The following SLC39A11 variants were observed in gnomAD, a reference collection of about 807,000 sequenced individuals.
SLC39A11 encodes the protein solute carrier family 39 member 11, also known as zinc transporter ZIP11.
Under a neutral mutation model 36.1 loss-of-function variants are expected in SLC39A11, and 33 were observed. That is an observed-to-expected ratio of 0.91 (90% confidence interval 0.69 to 1.22). The LOEUF is 1.22. Ranked by LOEUF, SLC39A11 falls within the 50% of genes most tolerant of loss-of-function variation. The pLI is 0.00. For synonymous variants in SLC39A11, 166 were observed against 170.3 expected, an observed-to-expected ratio of 0.97 and a Z score of 0.20; for missense variants, 432 against 430.3, an observed-to-expected ratio of 1.00 and a Z score of -0.03.
intron 4 of SLC39A11, among the ~76,000 whole-genome samples, chr17:73,030,695 G>A (rs964054694): frequency 2.6e-5 from 4 of 152,214 alleles, no homozygotes; most frequent in Non-Finnish European, 5.9e-5. Flanking sequence ...AACTTGTCGG[G>A]CCCAGTGTCT....
intron 7 of SLC39A11, among the ~76,000 whole-genome samples, chr17:72,703,572 A>G (rs2072748543): frequency 6.6e-6 from 1 of 152,192 alleles, no homozygotes; most frequent in African/African-American, 2.4e-5. Flanking sequence ...ACACAGAGTA[A>G]GGTTTCCTGC....
chr17:72,967,623 C>T (rs1568038818), intron 4 of SLC39A11, among the ~76,000 whole-genome samples: 1 of 152,168 alleles, frequency 6.6e-6, no homozygotes, highest in Non-Finnish European at 1.5e-5. Flanking sequence ...AAAGCTCCAA[C>T]AGCCAGAGGA....
At chr17:72,835,388 G>C (rs918912010) in intron 6 of SLC39A11, among the ~76,000 whole-genome samples, 1 of 152,198 alleles carries the variant, frequency 6.6e-6, no homozygotes, top group Non-Finnish European at 1.5e-5. Context: ...GTGGGTGGTA[G>C]AGTTTGGGGG....
intron 6 of SLC39A11, among the ~76,000 whole-genome samples, chr17:72,798,473 G>A (rs886300284): frequency 2.1e-5 from 3 of 143,910 alleles, no homozygotes; most frequent in African/African-American, 7.7e-5. Flanking sequence ...AAGTGCAATG[G>A]CACGATCTCA....
chr17:72,695,766 C>T lies in SLC39A11; in HGVS notation c.671+40884G>A, dbSNP rs146386686. On this transcript the variant is annotated intron_variant, in intron 7 of 9. Transcript: ENST00000255559. ...ACAGAGGAGAGGAGGAGGAAGGCTG[C>T]GTGAAGTGAAGGCAGAGACAGAGAC... is the stretch of plus-strand genomic sequence containing the variant. 3.9e-3 allele frequency among the ~76,000 whole-genome samples: 594 copies of T among 152,094 alleles called. 5 individuals carry two copies. The highest frequency in any genetic ancestry group is 0.013 in the African/African-American group (552 of 41,492).
intron 7 of SLC39A11, among the ~76,000 whole-genome samples, chr17:72,723,051 T>A (rs2073767215): frequency 6.6e-6 from 1 of 152,222 alleles, no homozygotes; most frequent in African/African-American, 2.4e-5. Flanking sequence ...CCGTCGTTTG[T>A]CAGTCTTTAC....
intron 5 of SLC39A11, among the ~76,000 whole-genome samples, chr17:72,938,802 G>A (rs1018891083): frequency 1.3e-5 from 2 of 152,174 alleles, no homozygotes; most frequent in African/African-American, 4.8e-5. Context: ...GAGCTGAAAT[G>A]AATGTGTCAG....
At chr17:72,681,698 G>C (rs2071515958) in intron 7 of SLC39A11, among the ~76,000 whole-genome samples, 2 of 152,096 alleles carry the variant, frequency 1.3e-5, no homozygotes, top group South Asian at 4.2e-4. Context: ...ATTTTCTTCT[G>C]TCTCTGCCAC....
At chr17:72,821,901 G>A (rs1438053490) in intron 6 of SLC39A11, 1 of 151,566 alleles carries the variant, frequency 6.6e-6, no homozygotes, top group Non-Finnish European at 1.5e-5. Context: ...TCCACTGACA[G>A]GGCCTGCATA....
At chr17:72,848,720 T>TAAA (rs35460918) in intron 6 of SLC39A11, among the ~76,000 whole-genome samples, 57,777 of 143,892 alleles carry the variant, frequency 0.4, 12,973 homozygotes, top group Non-Finnish European at 0.51. Context: ...GACTCTGTCT[T>TAAA]AAAAAAAAAA....
At chr17:73,083,827 A>G (rs141058481) in intron 3 of SLC39A11, among the ~76,000 whole-genome samples, 1 of 152,344 alleles carries the variant, frequency 6.6e-6, no homozygotes, top group African/African-American at 2.4e-5. Context: ...ATTAGATGAC[A>G]CCTTTAGAAA....
At chr17:72,974,388 C>T (rs917407789) in intron 4 of SLC39A11, among the ~76,000 whole-genome samples, 5 of 150,258 alleles carry the variant, frequency 3.3e-5, no homozygotes, top group Non-Finnish European at 7.4e-5. Flanking sequence ...GTGTGAGCCA[C>T]CACACCCGGC....
chr17:73,009,058 CA>C (rs34448509), intron 4 of SLC39A11, among the ~76,000 whole-genome samples: 40,940 of 78,306 alleles, frequency 0.52, 10,509 homozygotes, highest in Middle Eastern at 0.69. Flanking sequence ...AGACCTGCCT[CA>C]AAAAAAAAAA....
chr17:72,714,788 G>A (rs1287298271), intron 7 of SLC39A11, among the ~76,000 whole-genome samples: 4 of 152,196 alleles, frequency 2.6e-5, no homozygotes, highest in Non-Finnish European at 5.9e-5. Context: ...GTCTGCAGCT[G>A]TTCACCTCCT....
intron 5 of SLC39A11, among the ~76,000 whole-genome samples, chr17:72,892,900 T>C (rs2081829864): frequency 6.6e-6 from 1 of 152,198 alleles, no homozygotes; most frequent in Non-Finnish European, 1.5e-5. Flanking sequence ...CGAATGTAGC[T>C]AGTCACTCAT....
intron 7 of SLC39A11, among the ~76,000 whole-genome samples, chr17:72,700,774 A>G (rs1277798553): frequency 6.6e-6 from 1 of 152,270 alleles, no homozygotes; most frequent in Non-Finnish European, 1.5e-5. Context: ...CACATCTCAC[A>G]TGGCGGCAGA....
chr17:72,704,695 A>G (rs1377701827), intron 7 of SLC39A11, among the ~76,000 whole-genome samples: 1 of 139,880 alleles, frequency 7.1e-6, no homozygotes, highest in Non-Finnish European at 1.6e-5. Flanking sequence ...CTCATACCTT[A>G]GCATGACCTG....
intron 5 of SLC39A11, among the ~76,000 whole-genome samples, chr17:72,872,536 C>T (rs1598212539): frequency 1.3e-5 from 2 of 152,132 alleles, no homozygotes; most frequent in East Asian, 1.9e-4. Context: ...ACTGCCTTTG[C>T]GAAAATTATG....
At chr17:73,009,208 G>A (rs11077653) in intron 4 of SLC39A11, among the ~76,000 whole-genome samples, 90,108 of 151,532 alleles carry the variant, frequency 0.59, 30,999 homozygotes, top group Middle Eastern at 0.79. Context: ...CTAAAAATAT[G>A]AAAACGAAAA....
Sources: gnomAD v4.1 joint callset for allele counts (sites outside exome capture counted in the v4.1 genomes callset) on GRCh38, gnomAD v4.1.1 for gene constraint, MANE v1.5 for transcripts, NCBI Gene and HGNC (gene_info 2026-07-23, HGNC 2026-07-21) for gene names.